Variants in PSMA3 observed in about 807,000 individuals in gnomAD.
PSMA3 encodes the protein proteasome subunit alpha type-3.
Under a neutral mutation model 40.0 loss-of-function variants are expected in PSMA3, and 8 were observed. That is an observed-to-expected ratio of 0.20 (90% CI 0.12 to 0.36). The LOEUF (loss-of-function observed/expected upper bound fraction) is 0.36, where lower values mean the gene tolerates loss of function less well. Among genes scored for constraint, PSMA3 ranks in the 10% least tolerant of loss-of-function variants. PSMA3 has a pLI of 1.00. For synonymous variants in PSMA3, 110 were observed against 100.0 expected, an observed-to-expected ratio of 1.10 and a Z score of -0.59; for missense variants, 219 against 310.6, an observed-to-expected ratio of 0.70 and a Z score of 2.22.
At chr14:58,269,851 C>CT (rs1001327067) in intron 8 of PSMA3, 38 of 146,568 alleles carry the variant, frequency 2.6e-4, no homozygotes, top group Middle Eastern at 3.7e-3. Flanking sequence ...ATAGTTGTAT[C>CT]TTTTTTTTTT....
At chr14:58,271,804 A>T in intron 10 of PSMA3, 47 bp from the exon 11 acceptor site, 1 of 1,416,046 alleles carries the variant, frequency 7.1e-7, no homozygotes, top group Non-Finnish European at 9.9e-7. Flanking sequence ...GGTGTGGGAT[A>T]TAACAATTTT....
intron 3 of PSMA3, among the ~76,000 whole-genome samples, chr14:58,255,866 GT>G (rs1390686241): frequency 6.6e-6 from 1 of 152,150 alleles, no homozygotes; most frequent in Non-Finnish European, 1.5e-5. Flanking sequence ...TTTTGTTTTT[GT>G]TTTTGTTTTG....
chr14:58,248,315 C>T (rs56118195), intron 2 of PSMA3, among the ~76,000 whole-genome samples: 466 of 152,258 alleles, frequency 3.1e-3, no homozygotes, highest in African/African-American at 0.011. Context: ...CTGCAACCTC[C>T]GCCTCCTGGG....
chr14:58,255,016 T>A (rs1214258182), intron 3 of PSMA3, among the ~76,000 whole-genome samples: 1 of 152,216 alleles, frequency 6.6e-6, no homozygotes, highest in Non-Finnish European at 1.5e-5. Flanking sequence ...TTTTAAATTC[T>A]GTAACTGTCC....
Position 58,258,054 on chromosome 14 carries a change from T to C in PSMA3, c.404+56T>C. The C allele has an allele frequency of 5.9e-6, 8 of 1,362,280 alleles. No individual in the cohort carries two copies. The South Asian group carries it at 7.0e-5, about 12-fold the overall frequency. 84.4% of individuals were successfully genotyped at this position (1,362,280 alleles called of 1,614,324 possible). ...AGATCTGTACTATAGATATTTATTA[T>C]GTTCCCCAGCATCTTAGCCTTTTAC... On this transcript the variant is annotated intron_variant, in intron 5 of 10. Coordinates refer to ENST00000216455, the MANE Select transcript of PSMA3 (RefSeq NM_002788.4).
intron 8 of PSMA3, chr14:58,268,272 A>G (rs745639229): frequency 5.9e-5 from 9 of 152,224 alleles, no homozygotes; most frequent in African/African-American, 9.6e-5. Context: ...ATCGTAATTC[A>G]TAACAACTCT....
intron 7 of PSMA3, 172 bp from the exon 8 acceptor site, chr14:58,267,302 T>G: frequency 8.8e-7 from 1 of 1,137,118 alleles, no homozygotes; most frequent in South Asian, 3.2e-5. Context: ...GCACCCAGCC[T>G]GGAGTATAAA....
At chr14:58,253,655 G>A (rs1890066045) in intron 3 of PSMA3, among the ~76,000 whole-genome samples, 3 of 152,158 alleles carry the variant, frequency 2.0e-5, no homozygotes, top group East Asian at 1.9e-4. Context: ...GTGCAATGGC[G>A]CGATCTCAGC....
intron 9 of PSMA3, among the ~76,000 whole-genome samples, 197 bp downstream of exon 9, chr14:58,270,682 T>C (rs1890588589): frequency 6.6e-6 from 1 of 152,248 alleles, no homozygotes; most frequent in African/African-American, 2.4e-5. Context: ...GGTTTTAAGA[T>C]ACTATGCTAT....
At position 58,257,841 on chromosome 14, in the gene PSMA3, C is replaced by T. The variant is rs1262695512; in HGVS notation, c.325C>T (p.Leu109=). 20 of 1,613,032 alleles carry T rather than the reference C, an allele frequency of 1.2e-5. No homozygotes were observed. The highest frequency in any genetic ancestry group is 1.6e-5 in the Non-Finnish European group (19 of 1,179,140). ...ATCTAACTTTGGCTACAACATTCCACTAAAAGTAAGTTGATAACATATTGA... is the reference window on the plus strand; with the variant it reads ...ATCTAACTTTGGCTACAACATTCCATTAAAAGTAAGTTGATAACATATTGA... ...FRSNFGYNIP[L]KHLADRVAMY... Residue 109 remains leucine (L), a synonymous_variant, in exon 4 of 11, where the codon CTA becomes TTA. Coordinates refer to ENST00000216455, the MANE Select transcript of PSMA3 (RefSeq NM_002788.4).
At chr14:58,244,975 C>T (rs1453354137) in intron 1 of PSMA3, 34 bp downstream of exon 1, 1 of 1,614,038 alleles carries the variant, frequency 6.2e-7, no homozygotes, top group Non-Finnish European at 8.5e-7. Flanking sequence ...AATAGTTTAA[C>T]CTAAGGATTG....
At chr14:58,249,123 G>A (rs1171017878) in intron 2 of PSMA3, among the ~76,000 whole-genome samples, 4 of 151,994 alleles carry the variant, frequency 2.6e-5, no homozygotes, top group Non-Finnish European at 4.4e-5. Flanking sequence ...ACCATGGCCC[G>A]CTAATTTTGT....
At chr14:58,270,391 A>T in intron 8 of PSMA3, 27 bp from the exon 9 acceptor site, 3 of 1,612,440 alleles carry the variant, frequency 1.9e-6, no homozygotes, top group Non-Finnish European at 2.5e-6. Context: ...GGTTACCAAA[A>T]TCTTACCTTT....
intron 3 of PSMA3, among the ~76,000 whole-genome samples, chr14:58,254,510 GT>G (rs1010313839): frequency 2.0e-5 from 3 of 150,134 alleles, no homozygotes; most frequent in African/African-American, 7.4e-5. Context: ...TAATTTTTTA[GT>G]TTTTTTAAGA....
At chr14:58,264,046 A>C (rs1890361758) in intron 7 of PSMA3, among the ~76,000 whole-genome samples, 1 of 152,168 alleles carries the variant, frequency 6.6e-6, no homozygotes, top group Non-Finnish European at 1.5e-5. Context: ...GAGTTTATGA[A>C]GCTGCTAAGT....
intron 6 of PSMA3, among the ~76,000 whole-genome samples, 180 bp downstream of exon 6, chr14:58,261,200 G>A (rs912580374): frequency 1.1e-5 from 1 of 93,456 alleles, no homozygotes; most frequent in Non-Finnish European, 2.3e-5. Context: ...TTTCCTTTTT[G>A]GGGGAACAGG....
In PSMA3 at chr14:58,249,218, C is replaced by G. The variant is rs561836502; in HGVS notation, c.104+1386C>G. Among the ~76,000 whole-genome samples, 186 of 152,186 alleles carry G rather than the reference C, an allele frequency of 1.2e-3. 1 individual carries two copies. Among genetic ancestry groups the G allele is most frequent in the African/African-American group, 4.1e-3 (169 of 41,562 alleles). ...CAGGTGATCCGCCTGCCTCAGCCTC[C>G]CAAAGTGCTGGGATTACAGGCATGA... On this transcript the variant is annotated intron_variant, in intron 2 of 10. Coordinates refer to ENST00000216455, the MANE Select transcript of PSMA3 (RefSeq NM_002788.4).
intron 1 of PSMA3, among the ~76,000 whole-genome samples, chr14:58,247,182 T>C (rs929185670): frequency 6.6e-6 from 1 of 152,244 alleles, no homozygotes; most frequent in Non-Finnish European, 1.5e-5. Context: ...CCAGAAGGCC[T>C]TCCCTGATGA....
intron 5 of PSMA3, 28 bp downstream of exon 5, chr14:58,258,026 G>T: frequency 6.5e-7 from 1 of 1,534,556 alleles, no homozygotes; most frequent in Non-Finnish European, 9.0e-7. Context: ...TTATTCAAAA[G>T]GCAGATCTGT....
Sources: allele counts gnomAD v4.1 joint callset (sites outside exome capture counted in the v4.1 genomes callset), GRCh38; gene constraint gnomAD v4.1.1; transcripts MANE v1.5; gene names NCBI Gene and HGNC (gene_info 2026-07-23, HGNC 2026-07-21).